The following TNNI3K variants were observed in gnomAD, a reference collection of about 807,000 sequenced individuals.
The protein encoded by TNNI3K is serine/threonine-protein kinase TNNI3K.
TNNI3K carries 140 observed loss-of-function variants against 114.5 expected under a neutral mutation model. The ratio of observed to expected loss-of-function variants is 1.22; its 90% confidence interval spans 1.07 to 1.41. The LOEUF (loss-of-function observed/expected upper bound fraction) is 1.41, where lower values mean the gene tolerates loss of function less well. TNNI3K is among the 40% of genes most tolerant of loss of function. The pLI is 0.00. For missense variants in TNNI3K, 1,125 were observed against 1,007.6 expected (o/e 1.12, Z -1.58); for synonymous variants, 347 against 347.5 (o/e 1.00, Z 0.02).
intron 21 of TNNI3K, among the ~76,000 whole-genome samples, chr1:74,486,233 G>GAGAGAGAGAGAGAGAGAGAGA (rs200856016): frequency 5.3e-5 from 8 of 150,088 alleles, no homozygotes; most frequent in African/African-American, 1.5e-4. Context: ...GAGAGAGAGA[G>GAGAGAGAGAGAGAGAGAGAGA]GTGGGAAATA....
intron 4 of TNNI3K, among the ~76,000 whole-genome samples, chr1:74,263,262 T>C (rs946920540): frequency 6.6e-6 from 1 of 152,004 alleles, no homozygotes; most frequent in South Asian, 2.1e-4. Flanking sequence ...TGGCCATTAA[T>C]GCAGATTTTT....
chr1:74,246,267 C>T (rs1164629534), intron 2 of TNNI3K, among the ~76,000 whole-genome samples: 1 of 152,178 alleles, frequency 6.6e-6, no homozygotes, highest in Non-Finnish European at 1.5e-5. Context: ...TTATGGATGT[C>T]TTGGAAGAAA....
At chr1:74,532,490 T>C (rs1463229063) in intron 23 of TNNI3K, among the ~76,000 whole-genome samples, 2 of 152,074 alleles carry the variant, frequency 1.3e-5, no homozygotes, top group African/African-American at 4.8e-5. Flanking sequence ...TTATTATTAT[T>C]ATACTTTAAG....
rs745818218 is a variant in TNNI3K, at chr1:74,463,550, A to C, written c.2121A>C (p.Glu707Asp). 5.0e-6 allele frequency: 8 copies of C among 1,614,022 alleles called. No individual in the cohort carries two copies. In the Admixed American group the frequency reaches 1.2e-4, roughly 24 times the overall value. Residue 707 changes from glutamate (E) to aspartate (D), a missense_variant and splice_region_variant, in exon 21 of 25, where the codon GAA (glutamate) becomes GAC (aspartate). Physicochemically the swap from Glu to Asp is conservative, Grantham distance 45. Coordinates refer to ENST00000326637, the MANE Select transcript of TNNI3K (RefSeq NM_015978.3). Reference protein sequence around the residue: ...LLIRGWNACPEGRPEFSEVVM... With the variant: ...LLIRGWNACPDGRPEFSEVVM... ...TACGAGGGTGGAACGCATGTCCTGA[A>C]GTGAGTAATTTTTATTTCCTCTTAG...
chr1:74,241,856 T>C (rs1161573884), intron 2 of TNNI3K, among the ~76,000 whole-genome samples: 2 of 151,010 alleles, frequency 1.3e-5, no homozygotes, highest in Non-Finnish European at 3.0e-5. Flanking sequence ...TTTTCCTTTT[T>C]TTTTTTTTTT....
intron 23 of TNNI3K, among the ~76,000 whole-genome samples, chr1:74,500,603 C>CAAAAAAA (rs561290319): frequency 9.2e-5 from 4 of 43,290 alleles, no homozygotes; most frequent in Non-Finnish European, 1.3e-4. Context: ...GACTCCGTCT[C>CAAAAAAA]AAAAAAAAAA....
At chr1:74,349,420 G>A (rs925718747) in intron 9 of TNNI3K, among the ~76,000 whole-genome samples, 2 of 151,990 alleles carry the variant, frequency 1.3e-5, no homozygotes, top group African/African-American at 2.4e-5. Context: ...AAGGATATTC[G>A]TCTAAAATTC....
At chr1:74,439,223 A>G in intron 19 of TNNI3K, 1 of 314,058 alleles carries the variant, frequency 3.2e-6, no homozygotes, top group Non-Finnish European at 5.7e-6. Flanking sequence ...TACTTGTGTG[A>G]TGTTTTAGGA....
intron 17 of TNNI3K, 24 bp from the exon 18 acceptor site, chr1:74,436,056 T>A (rs1666109401): frequency 5.0e-5 from 1 of 19,878 alleles, no homozygotes. Flanking sequence ...CAATGTCTAC[T>A]TTTTTTTTTT....
At chr1:74,313,084 C>T (rs1299558495) in intron 5 of TNNI3K, among the ~76,000 whole-genome samples, 1 of 152,082 alleles carries the variant, frequency 6.6e-6, no homozygotes, top group East Asian at 1.9e-4. Context: ...GATCCTAGAG[C>T]CTGGGATTCT....
At chr1:74,425,253 G>A (rs1478960589) in intron 17 of TNNI3K, among the ~76,000 whole-genome samples, 1 of 152,054 alleles carries the variant, frequency 6.6e-6, no homozygotes, top group Admixed American at 6.6e-5. Context: ...TTATTGGAAA[G>A]CTGTGTCCTG....
At chr1:74,296,607 C>T (rs1658000030) in intron 5 of TNNI3K, among the ~76,000 whole-genome samples, 1 of 151,882 alleles carries the variant, frequency 6.6e-6, no homozygotes, top group Non-Finnish European at 1.5e-5. Flanking sequence ...TCCTTTAATG[C>T]ACATATACTG....
intron 20 of TNNI3K, among the ~76,000 whole-genome samples, chr1:74,462,740 G>T (rs1193538087): frequency 6.6e-6 from 1 of 152,100 alleles, no homozygotes; most frequent in Non-Finnish European, 1.5e-5. Flanking sequence ...GAAATATTTA[G>T]CAATCAGGAA....
At chr1:74,498,898 T>C (rs1038075595) in intron 23 of TNNI3K, among the ~76,000 whole-genome samples, 6 of 152,228 alleles carry the variant, frequency 3.9e-5, no homozygotes, top group African/African-American at 1.4e-4. Context: ...AAAGGTAATG[T>C]TCCTTCAAAG....
At chr1:74,445,200 ACTT>A (rs1232909886) in intron 20 of TNNI3K, among the ~76,000 whole-genome samples, 2 of 135,976 alleles carry the variant, frequency 1.5e-5, no homozygotes, top group African/African-American at 5.4e-5. Flanking sequence ...AAACTAAAGA[ACTT>A]CTTTTTTTTT....
chr1:74,442,806 A>C (rs920732667), intron 20 of TNNI3K, among the ~76,000 whole-genome samples: 2 of 152,112 alleles, frequency 1.3e-5, no homozygotes, highest in African/African-American at 2.4e-5. Context: ...AAATCATAAC[A>C]AACAGTCTCT....
intron 5 of TNNI3K, among the ~76,000 whole-genome samples, chr1:74,328,641 C>T (rs1056460289): frequency 6.6e-5 from 10 of 152,096 alleles, no homozygotes; most frequent in Admixed American, 4.6e-4. Context: ...TACATTTTGA[C>T]ACTTTCTCAG....
chr1:74,513,880 A>C (rs1202278604), intron 23 of TNNI3K, among the ~76,000 whole-genome samples: 10 of 152,234 alleles, frequency 6.6e-5, no homozygotes, highest in Admixed American at 6.5e-4. Flanking sequence ...AAGAAGCCAC[A>C]ACCGCATCTG....
At chr1:74,376,134 A>G (rs1662893091) in intron 17 of TNNI3K, among the ~76,000 whole-genome samples, 1 of 152,044 alleles carries the variant, frequency 6.6e-6, no homozygotes, top group South Asian at 2.1e-4. Flanking sequence ...TTAATTTTGA[A>G]GATGACATTT....
Sources: gnomAD v4.1 joint callset for allele counts (sites outside exome capture counted in the v4.1 genomes callset) on GRCh38, gnomAD v4.1.1 for gene constraint, MANE v1.5 for transcripts, NCBI Gene and HGNC (gene_info 2026-07-23, HGNC 2026-07-21) for gene names.